Variants in DNAH7 observed in about 807,000 individuals in gnomAD.
The protein encoded by DNAH7 is dynein axonemal heavy chain 7.
DNAH7 carries 397 observed loss-of-function variants against 444.6 expected under a neutral mutation model. The ratio of observed to expected loss-of-function variants is 0.89; its 90% confidence interval spans 0.82 to 0.97. The LOEUF (loss-of-function observed/expected upper bound fraction) is 0.97, where lower values mean the gene tolerates loss of function less well. DNAH7 is among the 50% of genes least tolerant of loss of function. The pLI is 0.00. For missense variants in DNAH7, 4,902 were observed against 4,800.8 expected (o/e 1.02, Z -0.62); for synonymous variants, 1,636 against 1,624.4 (o/e 1.01, Z -0.17).
intron 55 of DNAH7, among the ~76,000 whole-genome samples, chr2:195,798,283 T>C (rs77813860): frequency 2.3e-4 from 35 of 152,292 alleles, no homozygotes; most frequent in Non-Finnish European, 4.4e-4. Flanking sequence ...TTGTAGAACA[T>C]GTATGTAACA....
intron 21 of DNAH7, among the ~76,000 whole-genome samples, chr2:195,931,231 A>C (rs1250691199): frequency 6.6e-6 from 1 of 152,208 alleles, no homozygotes; most frequent in Non-Finnish European, 1.5e-5. Context: ...TCTTCTTTTG[A>C]GAAGTGTCTG....
chr2:195,928,268 G>A (rs1359141494), intron 21 of DNAH7, among the ~76,000 whole-genome samples: 2 of 152,024 alleles, frequency 1.3e-5, no homozygotes, highest in African/African-American at 4.8e-5. Flanking sequence ...TCTTTTTCAT[G>A]CCTGCATATC....
In DNAH7 at chr2:195,910,132, C is replaced by T. The variant is rs376666674; in HGVS notation, c.3999G>A (p.Gly1333=). 3.1e-6 allele frequency: 5 copies of T among 1,613,796 alleles called. No homozygotes were observed. In the African/African-American group the frequency reaches 4.0e-5, roughly 13 times the overall value. The change falls in exon 25 of 65, where the codon GGG becomes GGA. Residue 1333 remains glycine, a synonymous_variant. Coordinates refer to ENST00000312428, the MANE Select transcript of DNAH7 (RefSeq NM_018897.3). ...GGAPEGPAGT[G]KTETTKDLAK... is the part of the protein sequence containing the mutation. ...CCAAATCCTTGGTAGTTTCAGTCTTCCCAGTGCCAGCTGGACCCTCAGGTG... is the reference window on the plus strand; with the variant it reads ...CCAAATCCTTGGTAGTTTCAGTCTTTCCAGTGCCAGCTGGACCCTCAGGTG...
chr2:195,858,400 C>A, intron 43 of DNAH7, 74 bp downstream of exon 43: 1 of 1,271,426 alleles, frequency 7.9e-7, no homozygotes, highest in East Asian at 2.5e-5. Context: ...ACAAACTAGA[C>A]TAGAACACAA....
chr2:195,793,291 TA>T (rs1393286680), intron 57 of DNAH7, among the ~76,000 whole-genome samples: 3 of 152,308 alleles, frequency 2.0e-5, no homozygotes, highest in Non-Finnish European at 1.5e-5. Flanking sequence ...TATTTTCAAA[TA>T]AAAAGTTAAA....
At chr2:195,906,623 G>A in intron 27 of DNAH7, 36 bp downstream of exon 27, 2 of 1,587,098 alleles carry the variant, frequency 1.3e-6, no homozygotes, top group South Asian at 2.3e-5. Context: ...GTAAATTATA[G>A]AGAAGAAATA....
intron 60 of DNAH7, among the ~76,000 whole-genome samples, chr2:195,772,815 C>T (rs1158948095): frequency 2.1e-5 from 3 of 140,758 alleles, no homozygotes; most frequent in Non-Finnish European, 4.5e-5. Flanking sequence ...TAGTCTCACT[C>T]TGTTGCCCAG....
intron 19 of DNAH7, among the ~76,000 whole-genome samples, chr2:195,953,419 C>G (rs1052938064): frequency 6.6e-6 from 1 of 152,194 alleles, no homozygotes; most frequent in Non-Finnish European, 1.5e-5. Context: ...AGGTCAGGGG[C>G]CCACCTGAGA....
At position 196,024,452 on chromosome 2, in the gene DNAH7, ATC is replaced by A; in HGVS notation, c.718_719del (p.Asp240Ter). On this transcript the variant is annotated frameshift_variant, in exon 8 of 65. Coordinates refer to ENST00000312428, the MANE Select transcript of DNAH7 (RefSeq NM_018897.3). LOFTEE classifies it high-confidence loss of function. ...PREKGDDKKTDELPAHRAEME... is the reference protein window; with the variant it reads ...PREKGDDKKTXELPAHRAEME... ...ACTCAGCACGATGGGCTGGAAGTTC[ATC>A]TGTCTTCTTATCATCTCCTTTCTCT... The A allele has an allele frequency of 6.3e-7, 1 of 1,587,084 alleles. No individual in the cohort carries two copies. Among genetic ancestry groups the A allele is most frequent in the Non-Finnish European group, 8.6e-7 (1 of 1,169,386 alleles).
intron 5 of DNAH7, among the ~76,000 whole-genome samples, chr2:196,031,317 G>C (rs968481327): frequency 1.3e-5 from 2 of 152,176 alleles, no homozygotes; most frequent in African/African-American, 4.8e-5. Context: ...GGGGACCCTG[G>C]GCCTGGCCCA....
chr2:195,973,949 G>A (rs1236409660), intron 15 of DNAH7, among the ~76,000 whole-genome samples: 1 of 152,002 alleles, frequency 6.6e-6, no homozygotes, highest in Admixed American at 6.6e-5. Context: ...GTGGTGGCAG[G>A]CGCCAGTAAT....
chr2:195,738,031 T>A lies in DNAH7; in HGVS notation c.11965A>T (p.Thr3989Ser), dbSNP rs771578144. 1.2e-6 allele frequency: 2 copies of A among 1,614,016 alleles called. No individual in the cohort carries two copies. The highest frequency in any genetic ancestry group is 8.5e-7 in the Non-Finnish European group (1 of 1,179,910). The change falls in exon 65 of 65, where the codon ACC becomes TCC. Residue 3989 changes from threonine (T) to serine (S), a missense_variant. Thr to Ser is a moderately conservative substitution (Grantham distance 58). Coordinates refer to ENST00000312428, the MANE Select transcript of DNAH7 (RefSeq NM_018897.3). ...KTSERRGVLS[T>S]TGHSTNFVIA... ...ACAAAATTCGTGGAATGGCCAGTGGTGGATAATACTCCTCTCCGCTCACTT... is the reference window on the plus strand; with the variant it reads ...ACAAAATTCGTGGAATGGCCAGTGGAGGATAATACTCCTCTCCGCTCACTT...
At chr2:196,023,163 G>C (rs1695480806) in intron 8 of DNAH7, among the ~76,000 whole-genome samples, 1 of 152,126 alleles carries the variant, frequency 6.6e-6, no homozygotes, top group Non-Finnish European at 1.5e-5. Flanking sequence ...GCAATGGTAA[G>C]TTCTCATGAG....
At chr2:196,065,679 G>A (rs1698390929) in intron 1 of DNAH7, among the ~76,000 whole-genome samples, 2 of 152,146 alleles carry the variant, frequency 1.3e-5, no homozygotes, top group South Asian at 4.1e-4. Flanking sequence ...TTCTGATAGT[G>A]GCTGAATTCT....
intron 19 of DNAH7, among the ~76,000 whole-genome samples, chr2:195,954,090 A>G (rs1690458334): frequency 6.6e-6 from 1 of 152,080 alleles, no homozygotes; most frequent in Non-Finnish European, 1.5e-5. Flanking sequence ...GGTTTGTTAC[A>G]TATGTATACA....
At chr2:195,738,408 A>ATGAT (rs1012130787) in intron 64 of DNAH7, among the ~76,000 whole-genome samples, 10 of 131,904 alleles carry the variant, frequency 7.6e-5, no homozygotes, top group Admixed American at 6.5e-4. Context: ...AGTGCTTACA[A>ATGAT]TGATAAAAAA....
chr2:195,918,859 C>T (rs557039459), intron 24 of DNAH7, among the ~76,000 whole-genome samples: 12 of 152,256 alleles, frequency 7.9e-5, no homozygotes, highest in East Asian at 5.8e-4. Flanking sequence ...AACTCTACAA[C>T]GCAGTAGACC....
At chr2:195,761,932 A>G (rs973275655) in intron 61 of DNAH7, among the ~76,000 whole-genome samples, 2 of 152,228 alleles carry the variant, frequency 1.3e-5, no homozygotes, top group Non-Finnish European at 2.9e-5. Flanking sequence ...ACAGAAAAAC[A>G]GAATATTATA....
chr2:195,820,587 A>G (rs1697418570), intron 49 of DNAH7, among the ~76,000 whole-genome samples: 1 of 152,194 alleles, frequency 6.6e-6, no homozygotes, highest in Non-Finnish European at 1.5e-5. Context: ...TCCCTAATGA[A>G]AGGAGGTTCC....
Sources: gnomAD v4.1 joint callset for allele counts (sites outside exome capture counted in the v4.1 genomes callset) on GRCh38, gnomAD v4.1.1 for gene constraint, MANE v1.5 for transcripts, NCBI Gene and HGNC (gene_info 2026-07-23, HGNC 2026-07-21) for gene names.